The following TGM6 variants were observed in gnomAD, a reference collection of about 807,000 sequenced individuals.
TGM6 encodes the protein protein-glutamine gamma-glutamyltransferase 6.
A neutral mutation model predicts 77.5 loss-of-function variants in TGM6; 74 were observed. That is an observed-to-expected ratio of 0.96 (90% CI 0.79 to 1.16). The LOEUF (loss-of-function observed/expected upper bound fraction) is 1.16. Among genes scored for constraint, TGM6 ranks in the 50% most tolerant of loss-of-function variants. The pLI is 0.00. For missense variants in TGM6, 968 were observed against 940.2 expected (o/e 1.03, Z -0.39); for synonymous variants, 383 against 378.9 (o/e 1.01, Z -0.12).
chr20:2,399,728 C>A lies in TGM6; in HGVS notation c.840C>A (p.Val280=). Residue 280 remains valine, a synonymous_variant, in exon 6 of 13, where the codon GTC becomes GTA. Transcript: ENST00000202625. ...KYGQCWVFAG[V]LCTVLRCLGI... ...GCCAGTGCTGGGTCTTCGCCGGAGTCCTGTGCACAGGTACCCTGGGAGAGA... is the reference window on the plus strand; with the variant it reads ...GCCAGTGCTGGGTCTTCGCCGGAGTACTGTGCACAGGTACCCTGGGAGAGA... 6.2e-7 allele frequency: 1 copy of A among 1,613,690 alleles called. No homozygotes were observed. Among genetic ancestry groups the A allele is most frequent in the African/African-American group, 1.3e-5 (1 of 75,036 alleles).
intron 10 of TGM6, among the ~76,000 whole-genome samples, chr20:2,429,971 G>A (rs922637409): frequency 1.3e-5 from 2 of 152,138 alleles, no homozygotes; most frequent in African/African-American, 4.8e-5. Flanking sequence ...TCATGGAGGG[G>A]GGCATTTGGA....
Position 2,430,365 on chromosome 20 carries a change from G to C in TGM6, c.1679-81G>C. ...AGGACCAGAGAGAAAGGAGCTATTAGTTGTGCATTCCCTTCCTTCTTCCCA... is the reference window on the plus strand; with the variant it reads ...AGGACCAGAGAGAAAGGAGCTATTACTTGTGCATTCCCTTCCTTCTTCCCA... On this transcript the variant is annotated intron_variant, in intron 10 of 12. Transcript: ENST00000202625. 6.4e-6 allele frequency: 10 copies of C among 1,557,722 alleles called. No homozygotes were observed. The South Asian group carries it at 1.1e-4, about 17-fold the overall frequency.
At position 2,430,597 on chromosome 20, in the gene TGM6, C is replaced by G. The variant is rs2084917633; in HGVS notation, c.1830C>G (p.Ile610Met). 6.2e-7 allele frequency: 1 copy of G among 1,614,098 alleles called. No individual in the cohort carries two copies. The highest frequency in any genetic ancestry group is 8.5e-7 in the Non-Finnish European group (1 of 1,180,036). ...TTACTCTAGAGGACTTCATCACCATCAAGGTGACCTCAGCCTGCATCTACC... is the reference window on the plus strand; with the variant it reads ...TTACTCTAGAGGACTTCATCACCATGAAGGTGACCTCAGCCTGCATCTACC... ...KDITLEDFIT[I>M]KVLGPAMVGV... Residue 610 changes from isoleucine (I) to methionine (M), a missense_variant, in exon 11 of 13, where the codon ATC becomes ATG. Coordinates refer to ENST00000202625, the MANE Select transcript of TGM6 (RefSeq NM_198994.3).
chr20:2,387,823 C>A (rs2084605919), intron 1 of TGM6, among the ~76,000 whole-genome samples: 1 of 152,228 alleles, frequency 6.6e-6, no homozygotes, highest in Admixed American at 6.5e-5. Flanking sequence ...TCAGCTGGGG[C>A]AGATTGCCTG....
At chr20:2,413,513 G>T (rs1431753041) in intron 9 of TGM6, among the ~76,000 whole-genome samples, 1 of 152,136 alleles carries the variant, frequency 6.6e-6, no homozygotes, top group African/African-American at 2.4e-5. Context: ...TGAACTGAGA[G>T]TTGAAAAATA....
At chr20:2,399,475 C>A in intron 5 of TGM6, 86 bp from the exon 6 acceptor site, 3 of 1,601,860 alleles carry the variant, frequency 1.9e-6, no homozygotes, top group South Asian at 1.1e-5. Flanking sequence ...ACCTGGTGGT[C>A]CAAAGTTGGA....
chr20:2,396,235 A>T (rs1416058794), intron 3 of TGM6, among the ~76,000 whole-genome samples: 1 of 152,068 alleles, frequency 6.6e-6, no homozygotes, highest in Non-Finnish European at 1.5e-5. Context: ...TATGAGAAAT[A>T]TGAGGCTACT....
At chr20:2,409,588 T>C (rs1276921466) in intron 9 of TGM6, among the ~76,000 whole-genome samples, 1 of 151,810 alleles carries the variant, frequency 6.6e-6, no homozygotes, top group African/African-American at 2.4e-5. Context: ...GGCATGCACC[T>C]ATAGTTCCAG....
intron 9 of TGM6, among the ~76,000 whole-genome samples, chr20:2,406,028 A>G (rs566943644): frequency 5.2e-4 from 79 of 152,154 alleles, no homozygotes; most frequent in African/African-American, 1.8e-3. Flanking sequence ...TGCTGAAGAT[A>G]CCCCCAAACC....
intron 1 of TGM6, among the ~76,000 whole-genome samples, chr20:2,391,230 A>G (rs2084627649): frequency 6.6e-6 from 1 of 151,964 alleles, no homozygotes; most frequent in African/African-American, 2.4e-5. Flanking sequence ...CCTTAGGTGT[A>G]TGTTAGGAGG....
chr20:2,403,952 G>A (rs1053874771), intron 9 of TGM6, 129 bp downstream of exon 9: 121 of 1,482,084 alleles, frequency 8.2e-5, no homozygotes, highest in Non-Finnish European at 1.1e-4. Context: ...TTCCATTCAC[G>A]TTGTCTCTGT....
rs755949416 is a variant in TGM6, at chr20:2,394,453, G to T, written c.9G>T (p.Gly3=). MA[G]IRVTKVDWQR... ...TCTCCCTGTCCTCTCCCCACCCAGG[G>T]ATCAGAGTCACCAAGGTGGACTGGC... The change falls in exon 2 of 13, where the codon GGG becomes GGT. Residue 3 remains glycine (G), a splice_region_variant and synonymous_variant. Coordinates refer to ENST00000202625, the MANE Select transcript of TGM6 (RefSeq NM_198994.3). 6.2e-7 allele frequency: 1 copy of T among 1,611,358 alleles called. No individual in the cohort carries two copies. Among genetic ancestry groups the T allele is most frequent in the Non-Finnish European group, 8.5e-7 (1 of 1,179,830 alleles).
Position 2,401,015 on chromosome 20 carries a change from G to C in TGM6, c.989+571G>C, listed in dbSNP as rs189839443. 3.3e-5 allele frequency among the ~76,000 whole-genome samples: 5 copies of C among 152,040 alleles called. No homozygotes were observed. In the East Asian group the frequency reaches 9.7e-4, roughly 29 times the overall value. ...GATCACACCATTACACTCCACCCTG[G>C]TCAACATAGTGAAACCCCATCCCTA... On this transcript the variant is annotated intron_variant, in intron 7 of 12. Transcript: ENST00000202625.
At chr20:2,384,896 C>T (rs1179910940) in intron 1 of TGM6, among the ~76,000 whole-genome samples, 3 of 152,168 alleles carry the variant, frequency 2.0e-5, no homozygotes, top group South Asian at 4.2e-4. Context: ...AGCCTTTAGC[C>T]TTGGGCTGGG....
intron 10 of TGM6, among the ~76,000 whole-genome samples, chr20:2,418,621 T>C (rs1217169933): frequency 6.6e-6 from 1 of 152,186 alleles, no homozygotes; most frequent in African/African-American, 2.4e-5. Context: ...TGACTGCAGG[T>C]TATGGAATGG....
chr20:2,397,984 C>A lies in TGM6; in HGVS notation c.610C>A (p.Pro204Thr), dbSNP rs1253253459. 1 of 1,614,002 alleles carries A rather than the reference C, an allele frequency of 6.2e-7. No homozygotes were observed. Among genetic ancestry groups the A allele is most frequent in the African/African-American group, 1.3e-5 (1 of 74,896 alleles). The change falls in exon 5 of 13, where the codon CCA becomes ACA. Residue 204 changes from proline (P) to threonine (T), a missense_variant. Physicochemically the swap from Pro to Thr is conservative, Grantham distance 38. Transcript: ENST00000202625. Reference protein sequence around the residue: ...LDRSPGHQNNPATDVSCRHNP... With the variant: ...LDRSPGHQNNTATDVSCRHNP... ...TCGAAGCCCCGGTCACCAAAACAAC[C>A]CAGCCACCGACGTGTCCTGCCGCCA...
intron 10 of TGM6, among the ~76,000 whole-genome samples, chr20:2,421,858 G>A (rs971653350): frequency 2.0e-5 from 3 of 152,062 alleles, no homozygotes; most frequent in Non-Finnish European, 2.9e-5. Flanking sequence ...CCGGCTGGAT[G>A]TGGTGGCTCA....
intron 9 of TGM6, among the ~76,000 whole-genome samples, chr20:2,407,629 A>T (rs897879896): frequency 2.0e-5 from 3 of 152,208 alleles, no homozygotes; most frequent in African/African-American, 7.2e-5. Context: ...ATAAAATAAA[A>T]TCATTTTATG....
chr20:2,401,375 A>G (rs941839057), intron 7 of TGM6, among the ~76,000 whole-genome samples: 6 of 152,092 alleles, frequency 3.9e-5, no homozygotes, highest in Non-Finnish European at 8.8e-5. Flanking sequence ...ACTGTCTGCT[A>G]CATCTCCTGT....
Sources: allele counts gnomAD v4.1 joint callset (sites outside exome capture counted in the v4.1 genomes callset), GRCh38; gene constraint gnomAD v4.1.1; transcripts MANE v1.5; gene names NCBI Gene and HGNC (gene_info 2026-07-23, HGNC 2026-07-21).